RFC3: variants seen among roughly 807,000 people sequenced by gnomAD.
RFC3 encodes replication factor C subunit 3.
Under a neutral mutation model 45.1 loss-of-function variants are expected in RFC3, and 41 were observed. That is an observed-to-expected ratio of 0.91 (90% CI 0.71 to 1.18). RFC3 has a LOEUF of 1.18. RFC3 is among the 50% of genes most tolerant of loss of function. The pLI, the probability that RFC3 is intolerant of heterozygous loss-of-function variation, is 0.00. For missense variants in RFC3, 423 were observed against 428.1 expected (o/e 0.99, Z 0.10); for synonymous variants, 149 against 144.0 (o/e 1.03, Z -0.25).
chr13:33,901,622 A>G (rs774967679), intron 8 of RFC3, among the ~76,000 whole-genome samples: 12 of 152,080 alleles, frequency 7.9e-5, no homozygotes, highest in Non-Finnish European at 1.3e-4. Context: ...CTAGTGTTTG[A>G]TAGATCAGTA....
intron 3 of RFC3, 114 bp downstream of exon 3, chr13:33,824,098 G>A: frequency 1.8e-6 from 1 of 570,410 alleles, no homozygotes; most frequent in East Asian, 3.1e-5. Flanking sequence ...TGGAAGCACA[G>A]TTTATAAAAC....
At chr13:33,950,938 A>T (rs1343433903) in intron 8 of RFC3, among the ~76,000 whole-genome samples, 1 of 149,474 alleles carries the variant, frequency 6.7e-6, no homozygotes, top group Non-Finnish European at 1.5e-5. Flanking sequence ...CCCTTCACTT[A>T]TTCCTCATGT....
At chr13:33,844,249 T>TG (rs1330782283) in intron 8 of RFC3, among the ~76,000 whole-genome samples, 7 of 152,184 alleles carry the variant, frequency 4.6e-5, no homozygotes, top group Non-Finnish European at 1.0e-4. Flanking sequence ...TTTAATCCAA[T>TG]AAGACAGTAA....
chr13:33,975,946 A>G, the RFC3 span, among the ~76,000 whole-genome samples: 1 of 152,226 alleles, frequency 6.6e-6, no homozygotes, highest in Non-Finnish European at 1.5e-5. Flanking sequence ...GTTTCTGATA[A>G]TTATTCTCTA....
intron 8 of RFC3, among the ~76,000 whole-genome samples, chr13:33,935,139 T>C (rs111325441): frequency 6.6e-6 from 1 of 152,190 alleles, no homozygotes; most frequent in African/African-American, 2.4e-5. Flanking sequence ...CTTGAGATTT[T>C]TTTTTTCAAA....
intron 8 of RFC3, among the ~76,000 whole-genome samples, chr13:33,938,387 G>A (rs983821189): frequency 6.6e-6 from 1 of 151,846 alleles, no homozygotes; most frequent in African/African-American, 2.4e-5. Flanking sequence ...ATTCAGAAAA[G>A]TATAAAAATC....
At chr13:33,828,958 G>A (rs773519020) in intron 4 of RFC3, among the ~76,000 whole-genome samples, 20 of 152,072 alleles carry the variant, frequency 1.3e-4, no homozygotes, top group Non-Finnish European at 2.5e-4. Context: ...ATACTATGTG[G>A]GCCTTTCCAG....
intron 8 of RFC3, among the ~76,000 whole-genome samples, chr13:33,861,983 A>G (rs1489519008): frequency 6.6e-6 from 1 of 152,214 alleles, no homozygotes; most frequent in Non-Finnish European, 1.5e-5. Flanking sequence ...TGCCTGTGAA[A>G]ATATGCTTCT....
At chr13:33,929,431 A>C (rs1307340412) in intron 8 of RFC3, among the ~76,000 whole-genome samples, 4 of 152,134 alleles carry the variant, frequency 2.6e-5, no homozygotes, top group African/African-American at 9.6e-5. Context: ...ATTAACACTA[A>C]ATTTAATGGA....
chr13:33,909,272 T>C (rs2082690075), intron 8 of RFC3, among the ~76,000 whole-genome samples: 1 of 152,066 alleles, frequency 6.6e-6, no homozygotes. Flanking sequence ...TCTTTCACTT[T>C]ATCTTCATAA....
At chr13:33,827,703 A>G (rs1447143213) in intron 4 of RFC3, among the ~76,000 whole-genome samples, 3 of 152,212 alleles carry the variant, frequency 2.0e-5, no homozygotes, top group Non-Finnish European at 4.4e-5. Context: ...ATTAAGTAAC[A>G]GTTTAGGAAA....
intron 8 of RFC3, among the ~76,000 whole-genome samples, chr13:33,906,315 A>G (rs1204891789): frequency 2.6e-5 from 4 of 152,134 alleles, no homozygotes; most frequent in African/African-American, 9.7e-5. Flanking sequence ...ACCGATTTAT[A>G]AGAAAGTCCC....
intron 8 of RFC3, among the ~76,000 whole-genome samples, chr13:33,864,704 A>T (rs2082362273): frequency 6.6e-6 from 1 of 152,112 alleles, no homozygotes; most frequent in Non-Finnish European, 1.5e-5. Flanking sequence ...CTTTAGGGTA[A>T]TGAGAAGCCT....
At chr13:33,884,099 A>G (rs1156285874) in intron 8 of RFC3, among the ~76,000 whole-genome samples, 3 of 152,212 alleles carry the variant, frequency 2.0e-5, no homozygotes, top group Admixed American at 1.3e-4. Context: ...ACAAATGGAT[A>G]ATTAGCATGA....
chr13:33,837,842 T>C (rs3135644), downstream of RFC3, among the ~76,000 whole-genome samples: 122,986 of 151,834 alleles, frequency 0.81, 51,295 homozygotes, highest in Non-Finnish European at 0.93. Flanking sequence ...TAAATTTCAC[T>C]CTGAGTACTG....
At chr13:33,900,833 CA>C (rs56329636) in intron 8 of RFC3, among the ~76,000 whole-genome samples, 96,236 of 140,706 alleles carry the variant, frequency 0.68, 33,692 homozygotes, top group Non-Finnish European at 0.79. Flanking sequence ...AACTGAATAG[CA>C]AAAAAAAAAA....
At position 33,854,577 on chromosome 13, in the gene RFC3, A is replaced by G. The variant is rs183522195; in HGVS notation, c.879+19360A>G. The stretch of plus-strand genomic sequence containing the variant: ...AAGTCTTTCCTAGCAGATGGGTTTC[A>G]TGTCCCAAGTAGTTCCATAGCTACA... On this transcript the variant is annotated intron_variant, in intron 8 of 8. Transcript: ENST00000434425. Among the ~76,000 whole-genome samples the G allele has an allele frequency of 3.1e-3, 473 of 152,292 alleles. 1 individual carries two copies. Among genetic ancestry groups the G allele is most frequent in the African/African-American group, 0.011 (452 of 41,574 alleles).
chr13:33,867,495 A>G (rs1248635775), intron 8 of RFC3, among the ~76,000 whole-genome samples: 1 of 152,224 alleles, frequency 6.6e-6, no homozygotes, highest in Non-Finnish European at 1.5e-5. Flanking sequence ...TGCTTCTGAG[A>G]GAAGAGGGGA....
chr13:33,906,155 A>T (rs1305535775), intron 8 of RFC3, among the ~76,000 whole-genome samples: 1 of 152,112 alleles, frequency 6.6e-6, no homozygotes. Flanking sequence ...CTCAAAACAC[A>T]GTTCTTAGGC....
Sources: allele counts gnomAD v4.1 joint callset (sites outside exome capture counted in the v4.1 genomes callset), GRCh38; gene constraint gnomAD v4.1.1; transcripts MANE v1.5; gene names NCBI Gene and HGNC (gene_info 2026-07-23, HGNC 2026-07-21).